Variants in USP9X observed in about 807,000 individuals in gnomAD.
USP9X encodes the protein ubiquitin specific peptidase 9 X-linked, also known as ubiquitin carboxyl-terminal hydrolase 9X.
USP9X carries 7 observed loss-of-function variants against 190.3 expected under a neutral mutation model. That is an observed-to-expected ratio of 0.04 (90% CI 0.02 to 0.07). The LOEUF is 0.07. Among genes scored for constraint, USP9X ranks in the 10% least tolerant of loss-of-function variants. USP9X has a pLI of 1.00. For missense variants in USP9X, 1,010 were observed against 1,916.9 expected, an observed-to-expected ratio of 0.53 and a Z score of 8.83; for synonymous variants, 645 against 659.5, an observed-to-expected ratio of 0.98 and a Z score of 0.34.
At chrX:41,196,131 T>C in intron 26 of USP9X, 120 bp from the exon 27 acceptor site, 1 of 793,661 alleles carries the variant, frequency 1.3e-6, no homozygotes, top group Non-Finnish European at 1.8e-6. Flanking sequence ...CCTGTATCCT[T>C]ACTATTAATT....
intron 5 of USP9X, among the ~76,000 whole-genome samples, chrX:41,136,082 T>G (rs897446254): frequency 4.4e-5 from 5 of 112,746 alleles, no homozygotes; most frequent in Non-Finnish European, 7.5e-5. Context: ...AAATGGAAAC[T>G]TTGGAAGTGG....
intron 1 of USP9X, among the ~76,000 whole-genome samples, chrX:41,109,459 G>A (rs1490074793): frequency 8.9e-6 from 1 of 112,114 alleles, no homozygotes; most frequent in East Asian, 2.8e-4. Context: ...GAATAAGGGT[G>A]TTTGGCCAAT....
chrX:41,157,926 T>TA (rs778874269), intron 14 of USP9X, among the ~76,000 whole-genome samples: 369 of 111,932 alleles, frequency 3.3e-3, no homozygotes, highest in Non-Finnish European at 5.6e-3. Flanking sequence ...TAGAGGATAG[T>TA]AAAGAGAAAT....
intron 32 of USP9X, among the ~76,000 whole-genome samples, chrX:41,208,677 A>ATT (rs376230706): frequency 9.5e-6 from 1 of 105,384 alleles, no homozygotes; most frequent in African/African-American, 3.5e-5. Context: ...TTTTTGGTTT[A>ATT]TTTTTTTTTT....
At chrX:41,217,137 TC>T in intron 35 of USP9X, 82 bp from the exon 36 acceptor site, 1 of 1,077,491 alleles carries the variant, frequency 9.3e-7, no homozygotes. Context: ...TTAGGACTTC[TC>T]AAAATTAATG....
intron 21 of USP9X, among the ~76,000 whole-genome samples, chrX:41,173,259 C>T (rs2062743524): frequency 9.0e-6 from 1 of 111,354 alleles, no homozygotes; most frequent in African/African-American, 3.3e-5. Context: ...TGATCCTTTT[C>T]CATATACAGG....
chrX:41,193,726 G>A (rs1325228578), intron 26 of USP9X, among the ~76,000 whole-genome samples: 1 of 111,086 alleles, frequency 9.0e-6, no homozygotes, highest in East Asian at 2.8e-4. Context: ...TAGTCAGGAG[G>A]CTGAGGTGGG....
intron 1 of USP9X, among the ~76,000 whole-genome samples, chrX:41,090,720 C>T (rs1195155519): frequency 1.8e-5 from 2 of 111,445 alleles, no homozygotes; most frequent in East Asian, 2.8e-4. Context: ...CTTTGCATGT[C>T]ATGTGTTCCA....
At position 41,214,716 on chromosome X, in the gene USP9X, G is replaced by T; in HGVS notation, c.5331+7G>T. On this transcript the variant is annotated splice_region_variant and intron_variant, in intron 34 of 44. Transcript: ENST00000378308. ...TGAAAAATGCAATAAAAAGGTACGGGCTGTCCAGTTTTGTTTAATTTTGAT... is the reference window on the plus strand; with the variant it reads ...TGAAAAATGCAATAAAAAGGTACGGTCTGTCCAGTTTTGTTTAATTTTGAT... 8.4e-7 allele frequency: 1 copy of T among 1,187,677 alleles called. No individual in the cohort carries two copies. Among genetic ancestry groups the T allele is most frequent in the Non-Finnish European group, 1.1e-6 (1 of 887,835 alleles).
intron 26 of USP9X, among the ~76,000 whole-genome samples, chrX:41,194,329 C>T (rs767658992): frequency 2.7e-5 from 3 of 111,491 alleles, no homozygotes; most frequent in East Asian, 2.8e-4. Flanking sequence ...CCGAGGCGGG[C>T]GGATCACCTG....
At chrX:41,091,149 T>C (rs1478320342) in intron 1 of USP9X, among the ~76,000 whole-genome samples, 1 of 110,983 alleles carries the variant, frequency 9.0e-6, no homozygotes, top group Non-Finnish European at 1.9e-5. Context: ...GTAGGAGAGA[T>C]TGGATTAAGT....
intron 14 of USP9X, among the ~76,000 whole-genome samples, chrX:41,157,417 G>A (rs1008335952): frequency 1.8e-5 from 2 of 111,002 alleles, no homozygotes; most frequent in African/African-American, 3.3e-5. Flanking sequence ...TAAACACAGC[G>A]TTTGGCCAAT....
At chrX:41,150,825 A>G in intron 12 of USP9X, 96 bp from the exon 13 acceptor site, 1 of 902,865 alleles carries the variant, frequency 1.1e-6, no homozygotes, top group Non-Finnish European at 1.5e-6. Context: ...GCTAATCTTA[A>G]AAGAAAAGCT....
At chrX:41,188,200 A>G (rs2062899527) in intron 25 of USP9X, 83 bp downstream of exon 25, 13 of 931,044 alleles carry the variant, frequency 1.4e-5, no homozygotes, top group Non-Finnish European at 1.9e-5. Flanking sequence ...TAGCTTTGCT[A>G]TTTTTAAAAA....
intron 1 of USP9X, among the ~76,000 whole-genome samples, chrX:41,119,059 C>T (rs775465777): frequency 1.8e-5 from 2 of 111,849 alleles, no homozygotes; most frequent in African/African-American, 3.2e-5. Context: ...TCTTCTCATG[C>T]GTCCCCTAAT....
chrX:41,102,259 T>C (rs1388341899), intron 1 of USP9X, among the ~76,000 whole-genome samples: 1 of 111,904 alleles, frequency 8.9e-6, no homozygotes, highest in Non-Finnish European at 1.9e-5. Flanking sequence ...TTCTTTACAT[T>C]TATGATTTAA....
chrX:41,128,741 A>G (rs183075204), intron 2 of USP9X, among the ~76,000 whole-genome samples: 41 of 111,289 alleles, frequency 3.7e-4, no homozygotes, highest in African/African-American at 1.2e-3. Context: ...TGTAGATGCT[A>G]TATAAATCAT....
intron 28 of USP9X, 119 bp downstream of exon 28, chrX:41,196,857 G>A: frequency 3.4e-6 from 2 of 588,447 alleles, no homozygotes; most frequent in East Asian, 3.8e-5. Context: ...TGATAAAAGG[G>A]ACCAAAGAAT....
rs369075332 is a variant in USP9X at position 41,230,489 on chromosome X, A to C, written c.7432-12A>C. ...CCTACGTAATTTTTTATCTTGAAAT[A>C]TTCAAAATTAGGAGCCAGATGACCA... On this transcript the variant is annotated splice_polypyrimidine_tract_variant and intron_variant, in intron 43 of 44. Coordinates refer to ENST00000378308, the MANE Select transcript of USP9X (RefSeq NM_001039591.3). 5 of 1,202,579 alleles carry C rather than the reference A, an allele frequency of 4.2e-6. No homozygotes were observed. Among genetic ancestry groups the C allele is most frequent in the Non-Finnish European group, 5.6e-6 (5 of 888,617 alleles).
Sources: gnomAD v4.1 joint callset for allele counts (sites outside exome capture counted in the v4.1 genomes callset) on GRCh38, gnomAD v4.1.1 for gene constraint, MANE v1.5 for transcripts, NCBI Gene and HGNC (gene_info 2026-07-23, HGNC 2026-07-21) for gene names.